EPHA6: variants seen among roughly 807,000 people sequenced by gnomAD.
EPHA6 encodes the protein EPH receptor A6.
In EPHA6, 50 loss-of-function variants were observed where a neutral mutation model predicts 112.0. The ratio of observed to expected loss-of-function variants is 0.45; its 90% CI spans 0.36 to 0.56. EPHA6 has a LOEUF of 0.56. Ranked by LOEUF, EPHA6 falls within the 20% of genes least tolerant of loss-of-function variation. EPHA6 has a pLI of 0.00. For synonymous variants in EPHA6, 529 were observed against 490.7 expected, an observed-to-expected ratio of 1.08 and a Z score of -1.03; for missense variants, 1,280 against 1,417.4, an observed-to-expected ratio of 0.90 and a Z score of 1.56.
chr3:97,332,168 C>A (rs578094621), intron 5 of EPHA6, among the ~76,000 whole-genome samples: 1 of 152,272 alleles, frequency 6.6e-6, no homozygotes, highest in South Asian at 2.1e-4. Flanking sequence ...ACATGATTTT[C>A]TCAATAGATG....
chr3:97,071,560 C>G (rs1434771034), intron 3 of EPHA6, among the ~76,000 whole-genome samples: 1 of 152,064 alleles, frequency 6.6e-6, no homozygotes, highest in East Asian at 1.9e-4. Flanking sequence ...CTGATAAACC[C>G]AGCAGATCTT....
chr3:96,922,966 G>T (rs539859168), intron 2 of EPHA6, among the ~76,000 whole-genome samples: 5 of 152,268 alleles, frequency 3.3e-5, no homozygotes, highest in Admixed American at 1.3e-4. Context: ...CAAAGGACAT[G>T]ATTTCATTCT....
chr3:97,372,023 T>C (rs1320781587), intron 5 of EPHA6, among the ~76,000 whole-genome samples: 1 of 152,186 alleles, frequency 6.6e-6, no homozygotes, highest in African/African-American at 2.4e-5. Context: ...TTAGCAATTT[T>C]AATTTTGCCC....
At chr3:97,589,163 CT>C (rs1184809574) in intron 11 of EPHA6, among the ~76,000 whole-genome samples, 447 of 143,254 alleles carry the variant, frequency 3.1e-3, no homozygotes, top group Middle Eastern at 7.2e-3. Flanking sequence ...CTTTTCTTCT[CT>C]TTTTTTTTTT....
intron 5 of EPHA6, among the ~76,000 whole-genome samples, chr3:97,384,354 G>C (rs985142668): frequency 1.3e-5 from 2 of 152,184 alleles, no homozygotes; most frequent in Non-Finnish European, 2.9e-5. Context: ...GCAATGCTGG[G>C]ATTCAGTTCC....
At chr3:97,106,092 G>A (rs555925096) in intron 3 of EPHA6, among the ~76,000 whole-genome samples, 1 of 152,076 alleles carries the variant, frequency 6.6e-6, no homozygotes, top group African/African-American at 2.4e-5. Context: ...TGGGAACTAG[G>A]ATTTTACTAA....
intron 3 of EPHA6, among the ~76,000 whole-genome samples, chr3:97,007,079 G>C (rs900584022): frequency 6.6e-6 from 1 of 152,310 alleles, no homozygotes; most frequent in African/African-American, 2.4e-5. Flanking sequence ...TATATATTCT[G>C]TTGTTTTGGG....
chr3:97,600,376 C>G (rs1185966760), intron 12 of EPHA6, among the ~76,000 whole-genome samples: 1 of 150,286 alleles, frequency 6.7e-6, no homozygotes, highest in Non-Finnish European at 1.5e-5. Context: ...CAGTTTTTGC[C>G]CATTCAGTAT....
intron 5 of EPHA6, among the ~76,000 whole-genome samples, chr3:97,281,230 C>T (rs73848586): frequency 0.066 from 7,675 of 116,178 alleles, 611 homozygotes; most frequent in African/African-American, 0.35. Context: ...TGTGTGTGTG[C>T]GCGCGTGTGT....
At chr3:97,654,176 T>C (rs1169213849) in intron 14 of EPHA6, among the ~76,000 whole-genome samples, 1 of 151,978 alleles carries the variant, frequency 6.6e-6, no homozygotes, top group Non-Finnish European at 1.5e-5. Context: ...GTGATAAATA[T>C]GTTACCTAGC....
Position 97,759,266 on chromosome 3 carries a change from T to C in EPHA6, c.*10565T>C, listed in dbSNP as rs530648241. On this transcript the variant is annotated 3_prime_UTR_variant, in exon 18 of 18. Transcript: ENST00000389672. ...TTCACAAGGTCATCAACTATGAAAATAGTGGAGTCAACTATCAACTATGAA... is the reference window on the plus strand; with the variant it reads ...TTCACAAGGTCATCAACTATGAAAACAGTGGAGTCAACTATCAACTATGAA... 3.3e-5 allele frequency among the ~76,000 whole-genome samples: 5 copies of C among 151,860 alleles called. No homozygotes were observed. Among genetic ancestry groups the C allele is most frequent in the African/African-American group, 9.6e-5 (4 of 41,482 alleles).
At chr3:97,344,117 CTT>C (rs1437419590) in intron 5 of EPHA6, among the ~76,000 whole-genome samples, 1 of 152,024 alleles carries the variant, frequency 6.6e-6, no homozygotes, top group East Asian at 1.9e-4. Context: ...CTCAGAATGA[CTT>C]TTACTTTGAG....
At chr3:97,521,264 C>T (rs557772723) in intron 10 of EPHA6, among the ~76,000 whole-genome samples, 1 of 150,786 alleles carries the variant, frequency 6.6e-6, no homozygotes, top group East Asian at 2.0e-4. Flanking sequence ...TATTTCTTTG[C>T]TTTTTCATGT....
At chr3:97,491,772 C>A (rs2091845215) in intron 10 of EPHA6, among the ~76,000 whole-genome samples, 4 of 151,856 alleles carry the variant, frequency 2.6e-5, no homozygotes. Context: ...TAATGTCGGC[C>A]CTGTGAGTTG....
chr3:97,040,938 AT>A lies in EPHA6; in HGVS notation c.1114+52947del, dbSNP rs1444593555. Among the ~76,000 whole-genome samples, 28 of 152,200 alleles carry A rather than the reference AT, an allele frequency of 1.8e-4. 1 individual carries two copies. Among genetic ancestry groups the A allele is most frequent in the African/African-American group, 6.7e-4 (28 of 41,554 alleles). On this transcript the variant is annotated intron_variant, in intron 3 of 17. Coordinates refer to ENST00000389672, the MANE Select transcript of EPHA6 (RefSeq NM_001080448.3). ...CACCAAAGGACCTATTTACTCAAAAATTATAGGAATCTTTACCCTTATCCAG... is the reference window on the plus strand; with the variant it reads ...CACCAAAGGACCTATTTACTCAAAAATATAGGAATCTTTACCCTTATCCAG...
At chr3:97,547,290 A>T (rs1167838929) in intron 11 of EPHA6, among the ~76,000 whole-genome samples, 1 of 151,478 alleles carries the variant, frequency 6.6e-6, no homozygotes, top group African/African-American at 2.4e-5. Flanking sequence ...AACAGAGAGG[A>T]CCCTTAGATG....
At chr3:97,135,895 C>A (rs188474053) in intron 3 of EPHA6, among the ~76,000 whole-genome samples, 2 of 151,842 alleles carry the variant, frequency 1.3e-5, no homozygotes, top group East Asian at 3.9e-4. Context: ...CAAGTTAAAA[C>A]CACAGCAGCA....
At chr3:96,856,594 G>A (rs1011495110) in intron 1 of EPHA6, among the ~76,000 whole-genome samples, 1 of 152,078 alleles carries the variant, frequency 6.6e-6, no homozygotes, top group Admixed American at 6.6e-5. Flanking sequence ...GTTATAGTTG[G>A]CAATACCTAT....
intron 14 of EPHA6, among the ~76,000 whole-genome samples, chr3:97,694,344 C>T (rs1198791842): frequency 2.0e-5 from 3 of 151,984 alleles, no homozygotes; most frequent in Admixed American, 6.6e-5. Context: ...TCCAGCAATT[C>T]TCCTGCCTCA....
Sources: allele counts gnomAD v4.1 joint callset (sites outside exome capture counted in the v4.1 genomes callset), GRCh38; gene constraint gnomAD v4.1.1; transcripts MANE v1.5; gene names NCBI Gene and HGNC (gene_info 2026-07-23, HGNC 2026-07-21).